The following TTN variants were observed in gnomAD, a reference collection of about 807,000 sequenced individuals.
TTN encodes the protein titin.
A neutral mutation model predicts 3,223.0 loss-of-function variants in TTN; 1,525 were observed. The observed-to-expected ratio is 0.47, with a 90% confidence interval of 0.45 to 0.49. The LOEUF is 0.49. TTN is among the 20% of genes least tolerant of loss of function. TTN has a pLI of 0.00. For synonymous variants in TTN, 14,094 were observed against 15,161.0 expected (o/e 0.93, Z 5.17); for missense variants, 40,786 against 43,424.0 (o/e 0.94, Z 5.40).
At chr2:178,782,464 T>C (rs1313679717) in intron 19 of TTN, 37 bp from the exon 20 acceptor site, 10 of 1,613,908 alleles carry the variant, frequency 6.2e-6, no homozygotes, top group Non-Finnish European at 8.5e-6. Flanking sequence ...GCTTCCGGGT[T>C]GCAATTTGCC....
At position 178,546,328 on chromosome 2, in the gene TTN, C is replaced by T. The variant is rs1196141227; in HGVS notation, c.95003G>A (p.Gly31668Asp). The T allele has an allele frequency of 6.2e-7, 1 of 1,613,704 alleles. No homozygotes were observed. The highest frequency in any genetic ancestry group is 1.1e-5 in the South Asian group (1 of 91,080). The change falls in exon 342 of 363, where the codon GGC (glycine) becomes GAC (aspartate). Residue 31668 changes from glycine to aspartate, a missense_variant. Coordinates refer to ENST00000589042, the MANE Select transcript of TTN (RefSeq NM_001267550.2). ...LCEKVSLQYT[G>D]KRATAVIKFC... is the part of the protein sequence containing the mutation. ...CTTGATCACAGCAGTTGCTCGTTTG[C>T]CAGTATACTGCAAAGAGACTTTTTC...
Position 178,720,427 on chromosome 2 carries a change from CATT to C in TTN, c.23332_23334del (p.Asn7778del), listed in dbSNP as rs756028094. 6 of 1,613,628 alleles carry C rather than the reference CATT, an allele frequency of 3.7e-6. No homozygotes were observed. Among genetic ancestry groups the C allele is most frequent in the Non-Finnish European group, 5.1e-6 (6 of 1,179,654 alleles). On this transcript the variant is annotated inframe_deletion, in exon 80 of 363. Transcript: ENST00000589042. ...CAAGAACACGTGTCACTTCCCACCT[CATT>C]AGTAGCTTTGCAGTGATATTCCCCG...
chr2:178,560,145 A>T lies in TTN; in HGVS notation c.85987T>A (p.Ser28663Thr). The T allele has an allele frequency of 1.9e-6, 3 of 1,613,684 alleles. No homozygotes were observed. The highest frequency in any genetic ancestry group is 2.5e-6 in the Non-Finnish European group (3 of 1,179,704). ...GCAATAGTTATAGTTGTCTTGCCTG[A>T]GTCCACAATTTTGGGTTTGGATGGA... The part of the protein sequence containing the change: ...SPPSKPKIVD[S>T]GKTTITIAWV... Residue 28663 changes from serine to threonine, a missense_variant, in exon 326 of 363, where the codon TCA becomes ACA. Coordinates refer to ENST00000589042, the MANE Select transcript of TTN (RefSeq NM_001267550.2).
At chr2:178,736,446 G>C (rs560440865) in intron 49 of TTN, among the ~76,000 whole-genome samples, 2 of 152,274 alleles carry the variant, frequency 1.3e-5, no homozygotes, top group African/African-American at 4.8e-5. Flanking sequence ...AAATGTATTT[G>C]ACTCTTCTGA....
At chr2:178,726,140 A>T in intron 69 of TTN, 94 bp from the exon 70 acceptor site, 2 of 1,399,326 alleles carry the variant, frequency 1.4e-6, no homozygotes, top group Non-Finnish European at 1.9e-6. Flanking sequence ...AAGGTTTAAG[A>T]TATTCTAATG....
chr2:178,717,092 T>C lies in TTN; in HGVS notation c.25639+3A>G. On this transcript the variant is annotated splice_donor_region_variant and intron_variant, in intron 88 of 362. Coordinates refer to ENST00000589042, the MANE Select transcript of TTN (RefSeq NM_001267550.2). The stretch of plus-strand genomic sequence containing the variant: ...GATCTTGCTCCTTCACTCTAACAAG[T>C]ACCTTGTACACCCAGCTGAGCAGAA... The C allele has an allele frequency of 6.2e-7, 1 of 1,606,220 alleles. No individual in the cohort carries two copies. Among genetic ancestry groups the C allele is most frequent in the Non-Finnish European group, 8.5e-7 (1 of 1,174,428 alleles).
chr2:178,774,811 A>T, intron 29 of TTN, 110 bp downstream of exon 29: 1 of 1,269,496 alleles, frequency 7.9e-7, no homozygotes, highest in Non-Finnish European at 1.1e-6. Context: ...ACTTATAGTC[A>T]ATTTCCAAAT....
Position 178,764,221 on chromosome 2 carries a change from G to A in TTN, c.10070C>T (p.Ser3357Phe), listed in dbSNP as rs886042377. The A allele has an allele frequency of 3.1e-6, 5 of 1,613,988 alleles. No individual in the cohort carries two copies. The Admixed American group carries it at 5.0e-5, about 16-fold the overall frequency. The change falls in exon 43 of 363, where the codon TCT becomes TTT. Residue 3357 changes from serine (S) to phenylalanine (F), a missense_variant. Ser to Phe is a radical substitution (Grantham distance 155, BLOSUM62 -2). Transcript: ENST00000589042. ...TTGAAAACGGGCTGGCTGCCCTTCA[G>A]AAGTGACAGTGTCCTGAAGCGGGGT... ...IITPLQDTVT[S>F]EGQPARFQCR...
At position 178,749,668 on chromosome 2, in the gene TTN, T is replaced by C. The variant is rs765962390; in HGVS notation, c.11311+3456A>G. 1.9e-5 allele frequency: 30 copies of C among 1,612,828 alleles called. No homozygotes were observed. Among genetic ancestry groups the C allele is most frequent in the Non-Finnish European group, 2.5e-5 (29 of 1,179,392 alleles). On this transcript the variant is annotated intron_variant, in intron 47 of 362. Transcript: ENST00000589042. ...AAGTGACAGGCTCCACTGTTAGATC[T>C]GAAACACTTTCAACTGCCCCTGAAT... is the stretch of plus-strand genomic sequence containing the variant.
At chr2:178,683,939 T>G in intron 133 of TTN, 60 bp downstream of exon 133, 2 of 1,287,976 alleles carry the variant, frequency 1.6e-6, no homozygotes, top group Non-Finnish European at 2.1e-6. Flanking sequence ...TTCCACTAGA[T>G]TAGTTTTAGT....
intron 336 of TTN, 130 bp from the exon 337 acceptor site, chr2:178,550,403 T>G (rs1698906224): frequency 5.6e-6 from 4 of 708,440 alleles, no homozygotes; most frequent in Non-Finnish European, 8.8e-6. Context: ...CCAAAGCCTA[T>G]TTTGAAAGTA....
In TTN at chr2:178,618,350, G is replaced by A. The variant is rs949814758; in HGVS notation, c.47108C>T (p.Thr15703Ile). Reference sequence around the variant, plus strand: ...TGCACGGTCTGTGGCCAGAACCCAGGTCTTTCTCTTAATGTCACGTCTTTC... The same window carrying A: ...TGCACGGTCTGTGGCCAGAACCCAGATCTTTCTCTTAATGTCACGTCTTTC... Reference protein sequence around the residue: ...VVERRDIKRKTWVLATDRAES... With the variant: ...VVERRDIKRKIWVLATDRAES... The change falls in exon 252 of 363, where the codon ACC becomes ATC. Residue 15703 changes from threonine to isoleucine, a missense_variant. Coordinates refer to ENST00000589042, the MANE Select transcript of TTN (RefSeq NM_001267550.2). 9.3e-6 allele frequency: 15 copies of A among 1,612,436 alleles called. No individual in the cohort carries two copies. The highest frequency in any genetic ancestry group is 1.6e-4 in the Middle Eastern group (1 of 6,074).
Position 178,738,327 on chromosome 2 carries a change from A to G in TTN, c.14126T>C (p.Leu4709Pro), listed in dbSNP as rs756566095. ...APVIKRKIEPLEVALGHLAKF... is the reference protein window; with the variant it reads ...APVIKRKIEPPEVALGHLAKF... The stretch of plus-strand genomic sequence containing the variant: ...GGCTAGGTGGCCCAGTGCTACTTCC[A>G]GGGGTTCGATTTTCCTCTTGATCAC... The change falls in exon 49 of 363, where the codon CTG (leucine) becomes CCG (proline). Residue 4709 changes from leucine to proline, a missense_variant. Transcript: ENST00000589042. The G allele has an allele frequency of 6.2e-7, 1 of 1,613,158 alleles. No homozygotes were observed. The highest frequency in any genetic ancestry group is 2.2e-5 in the East Asian group (1 of 44,772).
intron 126 of TTN, 146 bp from the exon 127 acceptor site, chr2:178,688,370 C>T: frequency 1.3e-6 from 1 of 752,196 alleles, no homozygotes; most frequent in East Asian, 2.6e-5. Context: ...AAGGAGGAAG[C>T]TAATTTAAGA....
chr2:178,729,751 C>T lies in TTN; in HGVS notation c.18502G>A (p.Ala6168Thr), dbSNP rs764768881. Reference sequence around the variant, plus strand: ...TAAGTCCCACTATTTTCTACCCTGGCACCAGAAATCTGGAAAGTGGCTAAA... The same window carrying T: ...TAAGTCCCACTATTTTCTACCCTGGTACCAGAAATCTGGAAAGTGGCTAAA... ...DGLATFQISG[A>T]RVENSGTYVC... The change falls in exon 63 of 363, where the codon GCC (alanine) becomes ACC (threonine). Residue 6168 changes from alanine to threonine, a missense_variant. Coordinates refer to ENST00000589042, the MANE Select transcript of TTN (RefSeq NM_001267550.2). The T allele has an allele frequency of 2.2e-5, 35 of 1,613,638 alleles. No homozygotes were observed. Among genetic ancestry groups the T allele is most frequent in the Non-Finnish European group, 2.9e-5 (34 of 1,179,750 alleles).
Position 178,576,405 on chromosome 2 carries a change from G to A in TTN, c.69727C>T (p.Pro23243Ser), listed in dbSNP as rs1221599663. The change falls in exon 326 of 363, where the codon CCA becomes TCA. Residue 23243 changes from proline (P) to serine (S), a missense_variant. Transcript: ENST00000589042. The surrounding 1 kb of genome is among the most constrained non-coding windows in gnomAD (Gnocchi z 4.3). ...TCAGTGACATGCGGATTTGAAGGTG[G>A]TCCTGGAGGATCTGAGAAAGAAACA... ...LMKDAAYPPGPPSNPHVTDTT... is the reference protein window; with the variant it reads ...LMKDAAYPPGSPSNPHVTDTT... 1.3e-6 allele frequency: 2 copies of A among 1,574,448 alleles called. No individual in the cohort carries two copies. Among genetic ancestry groups the A allele is most frequent in the South Asian group, 1.2e-5 (1 of 83,658 alleles).
chr2:178,645,756 G>T (rs558185356), intron 217 of TTN, 164 bp downstream of exon 217: 2 of 416,486 alleles, frequency 4.8e-6, no homozygotes, highest in Admixed American at 4.6e-5. Context: ...AGCAACCCAG[G>T]AACCATGGGG....
chr2:178,627,247 A>G (rs960136960), intron 240 of TTN, among the ~76,000 whole-genome samples: 2 of 151,984 alleles, frequency 1.3e-5, no homozygotes, highest in African/African-American at 4.8e-5. Context: ...AACAACTACA[A>G]CAACAAAGAA....
Position 178,564,234 on chromosome 2 carries a change from G to A in TTN, c.81898C>T (p.Arg27300Cys), listed in dbSNP as rs372530032. ...ACAACATCAGGTATAGGTTTGCCAC[G>A]GATGTCGGCTTCAAGAACAAAAGTC... ...GETFVLEADI[R>C]GKPIPDVVWS... is the part of the protein sequence containing the mutation. The change falls in exon 326 of 363, where the codon CGT (arginine) becomes TGT (cysteine). Residue 27300 changes from arginine (R) to cysteine (C), a missense_variant. Coordinates refer to ENST00000589042, the MANE Select transcript of TTN (RefSeq NM_001267550.2). 1.8e-5 allele frequency: 29 copies of A among 1,613,154 alleles called. No individual in the cohort carries two copies. The highest frequency in any genetic ancestry group is 5.0e-5 in the Admixed American group (3 of 59,986).
Sources: allele counts gnomAD v4.1 joint callset (sites outside exome capture counted in the v4.1 genomes callset), GRCh38; gene constraint gnomAD v4.1.1; non-coding constraint Gnocchi (gnomAD v3.1); transcripts MANE v1.5; gene names NCBI Gene and HGNC (gene_info 2026-07-23, HGNC 2026-07-21).